MICU1: variants seen among roughly 807,000 people sequenced by gnomAD.
MICU1 encodes calcium uptake protein 1, mitochondrial.
A neutral mutation model predicts 56.8 loss-of-function variants in MICU1; 45 were observed. The ratio of observed to expected loss-of-function variants is 0.79; its 90% CI spans 0.62 to 1.02. The LOEUF is 1.02. Among genes scored for constraint, MICU1 ranks in the 50% least tolerant of loss-of-function variants. MICU1 has a pLI of 0.00. For missense variants in MICU1, 504 were observed against 587.1 expected (o/e 0.86, Z 1.46); for synonymous variants, 186 against 195.1 (o/e 0.95, Z 0.39).
At chr10:72,585,547 T>C (rs1841026183) in intron 1 of MICU1, among the ~76,000 whole-genome samples, 1 of 151,154 alleles carries the variant, frequency 6.6e-6, no homozygotes, top group Non-Finnish European at 1.5e-5. Context: ...ATACAAAAAT[T>C]AGCCAGGCAT....
chr10:72,621,052 G>A (rs931008237), intron 1 of MICU1, among the ~76,000 whole-genome samples: 3 of 151,752 alleles, frequency 2.0e-5, no homozygotes, highest in African/African-American at 7.3e-5. Context: ...GTGAGACCCC[G>A]TTTCTACAGA....
chr10:72,523,462 T>G (rs941051690), intron 5 of MICU1, among the ~76,000 whole-genome samples: 1 of 152,202 alleles, frequency 6.6e-6, no homozygotes, highest in Non-Finnish European at 1.5e-5. Flanking sequence ...TTTAGGAAGA[T>G]AATCCATTGT....
intron 6 of MICU1, among the ~76,000 whole-genome samples, chr10:72,496,018 G>A (rs1866829341): frequency 1.3e-5 from 2 of 151,760 alleles, no homozygotes; most frequent in South Asian, 2.1e-4. Flanking sequence ...CCAGGCTAGA[G>A]TGCAGTGGTG....
In MICU1 at chr10:72,571,319, G is replaced by GT. The variant is rs575226944; in HGVS notation, c.-1-4526dup. ...GCGGAGGTTGTAGTGAGCCGAGATT[G>GT]TACCACTGCACTCCAGCTTGGTTGA... On this transcript the variant is annotated intron_variant, in intron 1 of 11. Transcript: ENST00000361114. 6.7e-4 allele frequency among the ~76,000 whole-genome samples: 102 copies of GT among 152,136 alleles called. 1 individual carries two copies. The highest frequency in any genetic ancestry group is 2.8e-3 in the Admixed American group (42 of 15,260).
chr10:72,565,162 T>A (rs1840398038), intron 2 of MICU1, among the ~76,000 whole-genome samples: 1 of 150,950 alleles, frequency 6.6e-6, no homozygotes, highest in Non-Finnish European at 1.5e-5. Flanking sequence ...GGATCATACA[T>A]CATGCTGCTA....
intron 5 of MICU1, among the ~76,000 whole-genome samples, chr10:72,512,167 A>G (rs1867488434): frequency 7.5e-6 from 1 of 133,358 alleles, no homozygotes; most frequent in African/African-American, 3.0e-5. Flanking sequence ...GCTGGAGTAC[A>G]GTGGCACAAT....
At chr10:72,373,696 C>T (rs1311077921) in intron 11 of MICU1, among the ~76,000 whole-genome samples, 1 of 152,106 alleles carries the variant, frequency 6.6e-6, no homozygotes, top group Admixed American at 6.5e-5. Context: ...ACTTGAGAAG[C>T]TAGTTGCATT....
At chr10:72,618,119 A>C (rs1842024125) in intron 1 of MICU1, among the ~76,000 whole-genome samples, 1 of 149,942 alleles carries the variant, frequency 6.7e-6, no homozygotes. Flanking sequence ...GTGAGCCGAG[A>C]TCATGCCACT....
intron 10 of MICU1, among the ~76,000 whole-genome samples, chr10:72,388,533 T>C (rs1184921703): frequency 3.3e-5 from 5 of 152,210 alleles, no homozygotes; most frequent in African/African-American, 1.2e-4. Flanking sequence ...TGGATGTCTG[T>C]GTCTGAGCTG....
At chr10:72,418,499 G>A (rs931703499) in intron 9 of MICU1, among the ~76,000 whole-genome samples, 1 of 152,134 alleles carries the variant, frequency 6.6e-6, no homozygotes, top group Non-Finnish European at 1.5e-5. Context: ...CTCTGAATGG[G>A]TTATTAACTT....
chr10:72,489,318 ACACAC>A (rs1422376921), intron 6 of MICU1, among the ~76,000 whole-genome samples: 5 of 144,314 alleles, frequency 3.5e-5, no homozygotes, highest in African/African-American at 1.4e-4. Context: ...ACACACACAC[ACACAC>A]AAAAATAAAA....
At chr10:72,393,261 T>A (rs2132071314) in intron 10 of MICU1, among the ~76,000 whole-genome samples, 1 of 152,222 alleles carries the variant, frequency 6.6e-6, no homozygotes, top group South Asian at 2.1e-4. Flanking sequence ...CAACAAATAA[T>A]AAGCAAACAC....
chr10:72,485,923 T>C lies in MICU1; in HGVS notation c.653-8667A>G, dbSNP rs561638916. On this transcript the variant is annotated intron_variant, in intron 6 of 11. Transcript: ENST00000361114. ...CGCACACACACACACACACCCCCTA[T>C]GTGTGAATTTAATTCAAAGGTCACC... 8.6e-5 allele frequency among the ~76,000 whole-genome samples: 13 copies of C among 151,594 alleles called. 1 individual carries two copies. In the South Asian group the frequency reaches 2.7e-3, roughly 32 times the overall value.
At chr10:72,493,194 T>C (rs902429847) in intron 6 of MICU1, among the ~76,000 whole-genome samples, 23 of 151,664 alleles carry the variant, frequency 1.5e-4, no homozygotes, top group Non-Finnish European at 3.2e-4. Flanking sequence ...TGTACATGTG[T>C]ATACACACAC....
intron 10 of MICU1, among the ~76,000 whole-genome samples, chr10:72,384,018 G>C (rs530148157): frequency 1.2e-4 from 19 of 152,030 alleles, no homozygotes; most frequent in Non-Finnish European, 2.4e-4. Context: ...AATTGAGACA[G>C]GGTCTTGCTC....
chr10:72,423,244 T>C lies in MICU1; in HGVS notation c.1061A>G (p.Lys354Arg), dbSNP rs992883937. The change falls in exon 9 of 12, where the codon AAA (lysine) becomes AGA (arginine). Residue 354 changes from lysine (K) to arginine (R), a missense_variant. Physicochemically the swap from Lys to Arg is conservative, Grantham distance 26. Coordinates refer to ENST00000361114, the MANE Select transcript of MICU1 (RefSeq NM_001195518.2). ...AMQRQLKKHF[K>R]EGKGLTFQEV... ...GCCAAAGCTACCTACCTTTCCTTCT[T>C]TGAAGTGCTTCTTGAGCTGCCTCTG... The C allele has an allele frequency of 2.5e-6, 4 of 1,613,584 alleles. No individual in the cohort carries two copies. In the East Asian group the frequency reaches 6.7e-5, roughly 27 times the overall value.
In MICU1 at chr10:72,386,638, T is replaced by C. The variant is rs149080619; in HGVS notation, c.1181-10766A>G. ...GCAGTAGCATGATCATAGCTCACTGTACCCTCAACCTCCTGGGCTCAAGAG... is the reference window on the plus strand; with the variant it reads ...GCAGTAGCATGATCATAGCTCACTGCACCCTCAACCTCCTGGGCTCAAGAG... On this transcript the variant is annotated intron_variant, in intron 10 of 11. Transcript: ENST00000361114. 4.9e-4 allele frequency among the ~76,000 whole-genome samples: 74 copies of C among 151,072 alleles called. No homozygotes were observed. The East Asian group carries it at 0.014, about 29-fold the overall frequency.
chr10:72,600,521 C>T (rs1841499510), intron 1 of MICU1, among the ~76,000 whole-genome samples: 1 of 151,246 alleles, frequency 6.6e-6, no homozygotes, highest in African/African-American at 2.4e-5. Flanking sequence ...CGGTGATGCA[C>T]ATCTGTAATC....
At chr10:72,571,156 G>A (rs1161815847) in intron 1 of MICU1, among the ~76,000 whole-genome samples, 2 of 152,170 alleles carry the variant, frequency 1.3e-5, no homozygotes, top group African/African-American at 4.8e-5. Context: ...TTGAGGTCAG[G>A]AGTTCGAGAC....
Sources: allele counts gnomAD v4.1 joint callset (sites outside exome capture counted in the v4.1 genomes callset), GRCh38; gene constraint gnomAD v4.1.1; transcripts MANE v1.5; gene names NCBI Gene and HGNC (gene_info 2026-07-23, HGNC 2026-07-21).